The following TENM2 variants were observed in gnomAD, a reference collection of about 807,000 sequenced individuals.
The protein encoded by TENM2 is teneurin transmembrane protein 2, also known as teneurin-2.
In TENM2, 52 loss-of-function variants were observed where a neutral mutation model predicts 245.2. The ratio of observed to expected loss-of-function variants is 0.21; its 90% CI spans 0.17 to 0.27. The LOEUF (loss-of-function observed/expected upper bound fraction) is 0.27. Among genes scored for constraint, TENM2 ranks in the 10% least tolerant of loss-of-function variants. TENM2 has a pLI of 1.00. For missense variants in TENM2, 3,046 were observed against 3,666.8 expected (o/e 0.83, Z 4.37); for synonymous variants, 1,363 against 1,438.9 (o/e 0.95, Z 1.19).
intron 2 of TENM2, among the ~76,000 whole-genome samples, chr5:167,424,594 C>T (rs898722970): frequency 6.6e-6 from 1 of 152,114 alleles, no homozygotes; most frequent in African/African-American, 2.4e-5. Context: ...TATGGGAGAA[C>T]AATTCCTGAA....
At chr5:166,990,854 T>C in the TENM2 span, among the ~76,000 whole-genome samples, 1 of 152,228 alleles carries the variant, frequency 6.6e-6, no homozygotes, top group Non-Finnish European at 1.5e-5. Flanking sequence ...ATCTACGCTA[T>C]TAGACTGTTG....
chr5:167,171,540 G>A, the TENM2 span, among the ~76,000 whole-genome samples: 1 of 152,172 alleles, frequency 6.6e-6, no homozygotes, highest in Non-Finnish European at 1.5e-5. Context: ...GAACTACCCA[G>A]GGATGAGCAA....
chr5:167,294,568 T>C (rs572574789), intron 1 of TENM2, among the ~76,000 whole-genome samples: 1 of 152,278 alleles, frequency 6.6e-6, no homozygotes, highest in South Asian at 2.1e-4. Context: ...GACCTGTCAT[T>C]CCACAGGGCG....
chr5:167,518,970 C>T (rs557928547), intron 2 of TENM2, among the ~76,000 whole-genome samples: 1 of 152,204 alleles, frequency 6.6e-6, no homozygotes, highest in East Asian at 1.9e-4. Context: ...ACTATGGTGA[C>T]TTACTTCTTG....
the TENM2 span, among the ~76,000 whole-genome samples, chr5:167,111,186 A>G: frequency 6.6e-6 from 1 of 152,176 alleles, no homozygotes; most frequent in South Asian, 2.1e-4. Context: ...ATTTAGGTAT[A>G]GCTATCTGGT....
chr5:168,125,038 G>C (rs1371911013), exon 11 of TENM2: 1 of 1,606,696 alleles, frequency 6.2e-7, no homozygotes, highest in African/African-American at 1.3e-5. Context: ...GATGGGTCCC[G>C]ACTGCTCTGT....
intron 2 of TENM2, among the ~76,000 whole-genome samples, chr5:167,783,282 A>G (rs1051522376): frequency 1.3e-5 from 2 of 151,184 alleles, no homozygotes; most frequent in African/African-American, 4.9e-5. Context: ...TAGCAAGTCC[A>G]AGGAGAAGGG....
At chr5:167,072,109 T>G in the TENM2 span, among the ~76,000 whole-genome samples, 1 of 152,200 alleles carries the variant, frequency 6.6e-6, no homozygotes, top group South Asian at 2.1e-4. Flanking sequence ...TCAGCCAAGC[T>G]TGCACTTCCC....
intron 12 of TENM2, among the ~76,000 whole-genome samples, chr5:168,133,813 C>A (rs1275337236): frequency 6.6e-6 from 1 of 152,194 alleles, no homozygotes; most frequent in African/African-American, 2.4e-5. Flanking sequence ...ACGTCTGCTT[C>A]ACTTGAATCC....
At chr5:167,882,530 G>A (rs1168794453) in intron 3 of TENM2, among the ~76,000 whole-genome samples, 1 of 152,270 alleles carries the variant, frequency 6.6e-6, no homozygotes, top group Middle Eastern at 3.4e-3. Flanking sequence ...ATTTATAAAG[G>A]GAAGAAGTTT....
At chr5:168,046,364 TGGAA>T (rs2152033262) in intron 5 of TENM2, among the ~76,000 whole-genome samples, 1 of 152,288 alleles carries the variant, frequency 6.6e-6, no homozygotes, top group East Asian at 1.9e-4. Flanking sequence ...CTGTGTCCAG[TGGAA>T]ATGCCAGACA....
chr5:167,988,072 A>G (rs1783384939), intron 4 of TENM2, among the ~76,000 whole-genome samples: 1 of 152,142 alleles, frequency 6.6e-6, no homozygotes, highest in Admixed American at 6.5e-5. Context: ...AGTGCTGAAA[A>G]GCATGCAGGT....
chr5:167,359,963 A>G (rs756567230), intron 1 of TENM2, among the ~76,000 whole-genome samples: 4 of 152,174 alleles, frequency 2.6e-5, no homozygotes, highest in Non-Finnish European at 4.4e-5. Context: ...AATGGGAGCC[A>G]AACAGTGAGA....
At chr5:166,984,093 G>A in the TENM2 span, among the ~76,000 whole-genome samples, 1 of 151,986 alleles carries the variant, frequency 6.6e-6, no homozygotes, top group South Asian at 2.1e-4. Context: ...TAGAAGTTTT[G>A]TATAATCTTT....
intron 3 of TENM2, among the ~76,000 whole-genome samples, chr5:167,907,829 T>C (rs1776230722): frequency 2.0e-5 from 3 of 151,928 alleles, no homozygotes; most frequent in African/African-American, 7.3e-5. Context: ...AGATAAAAGT[T>C]CCACGAACCT....
At chr5:167,625,901 G>T (rs1002528072) in intron 2 of TENM2, among the ~76,000 whole-genome samples, 1 of 152,150 alleles carries the variant, frequency 6.6e-6, no homozygotes, top group East Asian at 1.9e-4. Flanking sequence ...TTTCCCTGCT[G>T]GAGTCCCTCC....
At chr5:167,602,495 T>G (rs11744500) in intron 2 of TENM2, among the ~76,000 whole-genome samples, 4,358 of 152,282 alleles carry the variant, frequency 0.029, 92 homozygotes, top group Non-Finnish European at 0.044. Flanking sequence ...CTGCTGAAGA[T>G]TGAGTGTTTT....
intron 2 of TENM2, among the ~76,000 whole-genome samples, chr5:167,402,556 G>A (rs1762419033): frequency 6.6e-6 from 1 of 152,116 alleles, no homozygotes; most frequent in Admixed American, 6.5e-5. Context: ...TCTGACTTAT[G>A]AAGAGATTAA....
the TENM2 span, among the ~76,000 whole-genome samples, chr5:167,185,952 T>A: frequency 6.6e-6 from 1 of 152,186 alleles, no homozygotes; most frequent in Admixed American, 6.5e-5. Context: ...CTCCTCGGAA[T>A]ATCTACAGAT....
Sources: allele counts gnomAD v4.1 joint callset (sites outside exome capture counted in the v4.1 genomes callset), GRCh38; gene constraint gnomAD v4.1.1; transcripts MANE v1.5; gene names NCBI Gene and HGNC (gene_info 2026-07-23, HGNC 2026-07-21).